NCMAP: variants seen among roughly 807,000 people sequenced by gnomAD.
The protein encoded by NCMAP is non-compact myelin associated protein, also known as noncompact myelin-associated protein.
A neutral mutation model predicts 7.8 loss-of-function variants in NCMAP; 8 were observed. That is an observed-to-expected ratio of 1.02 (90% CI 0.60 to 1.84). The LOEUF (loss-of-function observed/expected upper bound fraction) is 1.84. Among genes scored for constraint, NCMAP ranks in the 40% most tolerant of loss-of-function variants. NCMAP has a pLI of 0.00. For missense variants in NCMAP, 112 were observed against 131.4 expected (o/e 0.85, Z 0.72); for synonymous variants, 41 against 52.9 (o/e 0.78, Z 0.98).
intron 1 of NCMAP, among the ~76,000 whole-genome samples, chr1:24,577,401 G>GTTTTTTTTTGTTTTTTTTTTTTT (rs1651605073): frequency 1.3e-4 from 5 of 39,956 alleles, no homozygotes; most frequent in Admixed American, 3.1e-4. Flanking sequence ...CACTGGCCTT[G>GTTTTTTTTTGTTTTTTTTTTTTT]TTTTTTTTTT....
At chr1:24,577,154 A>C (rs772834383) in intron 1 of NCMAP, among the ~76,000 whole-genome samples, 5 of 152,126 alleles carry the variant, frequency 3.3e-5, no homozygotes, top group Non-Finnish European at 7.4e-5. Context: ...AAATAAAAAT[A>C]AAAATAAAAA....
chr1:24,562,958 CAG>C (rs1217112927), intron 1 of NCMAP, among the ~76,000 whole-genome samples: 1 of 151,776 alleles, frequency 6.6e-6, no homozygotes, highest in South Asian at 2.1e-4. Flanking sequence ...CATTACCAGA[CAG>C]AGAGCTGGCA....
At chr1:24,573,967 A>AAAAAAAAAAAAAAAAAAAAAAC (rs1651470323) in intron 1 of NCMAP, among the ~76,000 whole-genome samples, 1 of 133,966 alleles carries the variant, frequency 7.5e-6, no homozygotes, top group Non-Finnish European at 1.6e-5. Flanking sequence ...AAAAAAAAAA[A>AAAAAAAAAAAAAAAAAAAAAAC]AAAACAGAAA....
intron 1 of NCMAP, among the ~76,000 whole-genome samples, chr1:24,588,188 T>C (rs12139763): frequency 0.23 from 35,104 of 151,786 alleles, 4,486 homozygotes; most frequent in African/African-American, 0.34. Flanking sequence ...CTCAAGCGAA[T>C]CTCCCACCTC....
chr1:24,565,524 T>C (rs982725841), intron 1 of NCMAP, among the ~76,000 whole-genome samples: 4 of 152,062 alleles, frequency 2.6e-5, no homozygotes, highest in Non-Finnish European at 4.4e-5. Flanking sequence ...CATTGTTACC[T>C]TCTATTAATG....
At chr1:24,600,491 T>G (rs1652443634) in intron 2 of NCMAP, among the ~76,000 whole-genome samples, 1 of 152,178 alleles carries the variant, frequency 6.6e-6, no homozygotes, top group South Asian at 2.1e-4. Context: ...ATCACATTGG[T>G]GAATGTAGAT....
chr1:24,601,622 G>A (rs902663422), intron 3 of NCMAP, among the ~76,000 whole-genome samples: 3 of 152,162 alleles, frequency 2.0e-5, no homozygotes, highest in Admixed American at 6.5e-5. Flanking sequence ...AAAAGGTATC[G>A]TGGCCGGGTG....
chr1:24,563,534 C>CAAAAAAAA (rs57911205), intron 1 of NCMAP: 5 of 125,418 alleles, frequency 4.0e-5, no homozygotes, highest in East Asian at 2.3e-4. Flanking sequence ...AAAACAACAA[C>CAAAAAAAA]AAAAAAAAAA....
chr1:24,584,118 A>T (rs1325040162), intron 1 of NCMAP, among the ~76,000 whole-genome samples: 1 of 152,176 alleles, frequency 6.6e-6, no homozygotes, highest in African/African-American at 2.4e-5. Context: ...GCATAAACCC[A>T]TTAACCCTGT....
intron 2 of NCMAP, 130 bp downstream of exon 2, chr1:24,595,642 C>G: frequency 1.6e-6 from 1 of 624,600 alleles, no homozygotes. Context: ...TGCCACGTGC[C>G]AACTGCAGCA....
At chr1:24,565,146 T>G (rs1481424547) in intron 1 of NCMAP, among the ~76,000 whole-genome samples, 2 of 58,034 alleles carry the variant, frequency 3.4e-5, no homozygotes, top group African/African-American at 2.0e-4. Context: ...TTATACACCT[T>G]TTTTTTTTTT....
At chr1:24,558,625 A>T (rs6663264) in intron 1 of NCMAP, among the ~76,000 whole-genome samples, 149 of 152,264 alleles carry the variant, frequency 9.8e-4, no homozygotes, top group Non-Finnish European at 1.9e-3. Flanking sequence ...GTGACGTCCA[A>T]GCTGACCCCC....
At chr1:24,570,281 A>T (rs909329096) in intron 1 of NCMAP, among the ~76,000 whole-genome samples, 2 of 150,740 alleles carry the variant, frequency 1.3e-5, no homozygotes, top group Middle Eastern at 3.4e-3. Flanking sequence ...TTTTGCTTAG[A>T]AACAATCAAA....
chr1:24,596,029 C>G (rs1378004967), intron 2 of NCMAP, among the ~76,000 whole-genome samples: 1 of 152,066 alleles, frequency 6.6e-6, no homozygotes, highest in Non-Finnish European at 1.5e-5. Flanking sequence ...CACCTTTAAT[C>G]CTAGCACTTT....
chr1:24,565,159 T>TA (rs397951740), intron 1 of NCMAP, among the ~76,000 whole-genome samples: 17 of 140,432 alleles, frequency 1.2e-4, no homozygotes, highest in Admixed American at 1.2e-3. Flanking sequence ...TTTTTTTTTT[T>TA]AATGTAGGAA....
chr1:24,591,078 A>T (rs1382024568), intron 1 of NCMAP, among the ~76,000 whole-genome samples: 1 of 152,224 alleles, frequency 6.6e-6, no homozygotes, highest in Non-Finnish European at 1.5e-5. Flanking sequence ...GTAAAAGGAT[A>T]TGAGAAAGAA....
intron 3 of NCMAP, among the ~76,000 whole-genome samples, chr1:24,602,733 C>A (rs1652551849): frequency 6.7e-6 from 1 of 149,156 alleles, no homozygotes; most frequent in South Asian, 2.1e-4. Context: ...AAGACCCTGT[C>A]TCTGGAAAAA....
rs1570522288 is a variant in NCMAP at position 24,576,537 on chromosome 1, T to C, written c.-7-18887T>C. On this transcript the variant is annotated intron_variant, in intron 1 of 3. Transcript: ENST00000374392. This position sits in a 1 kb window ranked among gnomAD's most constrained non-coding sequence, Gnocchi z 4.0. ...GGAGGCAAACAAGCCTCGGGGAGGG[T>C]GTCCTGAACCAAGTGAGAGGCTGGA... Among the ~76,000 whole-genome samples, 1 of 151,392 alleles carries C rather than the reference T, an allele frequency of 6.6e-6. No homozygotes were observed. Among genetic ancestry groups the C allele is most frequent in the African/African-American group, 2.4e-5 (1 of 41,156 alleles).
chr1:24,587,849 G>C (rs2148933153), intron 1 of NCMAP, among the ~76,000 whole-genome samples: 1 of 152,248 alleles, frequency 6.6e-6, no homozygotes, highest in Non-Finnish European at 1.5e-5. Flanking sequence ...TTTTCACTTA[G>C]AAGAGGTAGC....
Sources: gnomAD v4.1 joint callset for allele counts (sites outside exome capture counted in the v4.1 genomes callset) on GRCh38, gnomAD v4.1.1 for gene constraint, Gnocchi (gnomAD v3.1) non-coding constraint, MANE v1.5 for transcripts, NCBI Gene and HGNC (gene_info 2026-07-23, HGNC 2026-07-21) for gene names.